The following SLC38A6 variants were observed in gnomAD, a reference collection of about 807,000 sequenced individuals.
The protein encoded by SLC38A6 is solute carrier family 38 member 6.
Under a neutral mutation model 65.0 loss-of-function variants are expected in SLC38A6, and 73 were observed. The ratio of observed to expected loss-of-function variants is 1.12; its 90% CI spans 0.93 to 1.37. The LOEUF is 1.37. Ranked by LOEUF, SLC38A6 falls within the 40% of genes most tolerant of loss-of-function variation. The pLI is 0.00. For synonymous variants in SLC38A6, 183 were observed against 178.8 expected, an observed-to-expected ratio of 1.02 and a Z score of -0.19; for missense variants, 561 against 531.1, an observed-to-expected ratio of 1.06 and a Z score of -0.55.
At chr14:60,999,697 A>G (rs1023186921) in intron 3 of SLC38A6, among the ~76,000 whole-genome samples, 3 of 152,214 alleles carry the variant, frequency 2.0e-5, no homozygotes, top group African/African-American at 7.2e-5. Context: ...AGTCACATGT[A>G]TCATGGAGGG....
At chr14:61,001,239 T>G (rs1416808216) in intron 3 of SLC38A6, among the ~76,000 whole-genome samples, 1 of 152,144 alleles carries the variant, frequency 6.6e-6, no homozygotes, top group East Asian at 1.9e-4. Context: ...ATGCTAAACA[T>G]TCTGCAATAC....
intron 15 of SLC38A6, among the ~76,000 whole-genome samples, chr14:61,075,222 G>A (rs962049328): frequency 2.2e-4 from 33 of 152,202 alleles, no homozygotes; most frequent in Non-Finnish European, 1.5e-5. Flanking sequence ...TAATTTGCCT[G>A]TCTCTGTCTC....
At chr14:60,996,888 C>CG (rs1009991098) in intron 3 of SLC38A6, among the ~76,000 whole-genome samples, 10 of 152,294 alleles carry the variant, frequency 6.6e-5, no homozygotes, top group Non-Finnish European at 1.3e-4. Flanking sequence ...AATTCTATAA[C>CG]TAGCCAAACT....
At chr14:61,046,543 T>C (rs1328328793) in intron 12 of SLC38A6, among the ~76,000 whole-genome samples, 1 of 152,148 alleles carries the variant, frequency 6.6e-6, no homozygotes, top group Non-Finnish European at 1.5e-5. Flanking sequence ...GTCATCTTAA[T>C]TGCAAAAGAA....
At chr14:61,077,329 AAGAAGTAGATACAAAAAC>A (rs2043457238) in intron 15 of SLC38A6, among the ~76,000 whole-genome samples, 1 of 152,188 alleles carries the variant, frequency 6.6e-6, no homozygotes, top group African/African-American at 2.4e-5. Context: ...TATAGGTGGA[AAGAAGTAGATACAAAAAC>A]AGATCTTGAT....
At chr14:61,065,418 A>G (rs1230210803) in intron 15 of SLC38A6, among the ~76,000 whole-genome samples, 1 of 152,248 alleles carries the variant, frequency 6.6e-6, no homozygotes, top group African/African-American at 2.4e-5. Flanking sequence ...ATGTGCCTTC[A>G]GATGGGTTAT....
chr14:61,018,866 A>G (rs1225669848), intron 4 of SLC38A6, among the ~76,000 whole-genome samples: 2 of 152,222 alleles, frequency 1.3e-5, no homozygotes, highest in African/African-American at 4.8e-5. Context: ...ATCTGGCTAC[A>G]TTGGATCCAC....
chr14:61,005,846 C>G (rs1328960728), intron 3 of SLC38A6, among the ~76,000 whole-genome samples: 1 of 152,048 alleles, frequency 6.6e-6, no homozygotes, highest in Admixed American at 6.6e-5. Flanking sequence ...TCATATGGAA[C>G]CAAAAAAGAG....
intron 15 of SLC38A6, among the ~76,000 whole-genome samples, chr14:61,066,682 C>A (rs1215819349): frequency 1.3e-5 from 2 of 152,190 alleles, no homozygotes; most frequent in African/African-American, 4.8e-5. Flanking sequence ...ACATTCAAGT[C>A]CTGCTGCAGA....
intron 5 of SLC38A6, among the ~76,000 whole-genome samples, chr14:61,024,773 A>G (rs2040520771): frequency 6.6e-6 from 1 of 152,190 alleles, no homozygotes; most frequent in Non-Finnish European, 1.5e-5. Flanking sequence ...GTCAAGCCAG[A>G]AAAAGTCTTA....
At chr14:61,055,133 A>G (rs1199718904), downstream of SLC38A6, among the ~76,000 whole-genome samples, 1 of 20,646 alleles carries the variant, frequency 4.8e-5, no homozygotes, top group Non-Finnish European at 1.2e-4. Context: ...TTTTTTTATT[A>G]TACTCTAAGT....
chr14:60,994,362 A>G (rs933130359), intron 3 of SLC38A6, among the ~76,000 whole-genome samples: 1 of 152,134 alleles, frequency 6.6e-6, no homozygotes, highest in African/African-American at 2.4e-5. Context: ...CCTGACCAAC[A>G]TGGGGAAACC....
intron 4 of SLC38A6, among the ~76,000 whole-genome samples, 177 bp downstream of exon 4, chr14:61,016,133 C>G (rs1189951657): frequency 1.3e-5 from 2 of 152,086 alleles, no homozygotes; most frequent in East Asian, 3.9e-4. Context: ...TTGTGTCCTT[C>G]CTAAAAATGC....
At chr14:61,020,927 C>T (rs758661831) in intron 5 of SLC38A6, among the ~76,000 whole-genome samples, 16 of 152,102 alleles carry the variant, frequency 1.1e-4, no homozygotes, top group Non-Finnish European at 2.1e-4. Context: ...GTAGACTGTT[C>T]AGTTCAGCAA....
At chr14:60,997,691 AAG>A (rs1197766173) in intron 3 of SLC38A6, among the ~76,000 whole-genome samples, 1 of 152,232 alleles carries the variant, frequency 6.6e-6, no homozygotes, top group East Asian at 1.9e-4. Context: ...GAATAAAAGA[AAG>A]AAACAGGTTA....
At chr14:61,019,903 C>G (rs2040250684) in intron 5 of SLC38A6, among the ~76,000 whole-genome samples, 5 of 152,042 alleles carry the variant, frequency 3.3e-5, no homozygotes, top group Admixed American at 3.3e-4. Flanking sequence ...AAAATATTTT[C>G]CCTCTACTTT....
Position 61,029,155 on chromosome 14 carries a change from C to CTT in SLC38A6, c.404-1273_404-1272dup, listed in dbSNP as rs111427405. ...GTGCACACAAAGTATACTCTTTATT[C>CTT]TTTTTTTTTTTTTTTTTTGAGGTGG... On this transcript the variant is annotated intron_variant, in intron 5 of 15. Coordinates refer to ENST00000267488, the MANE Select transcript of SLC38A6 (RefSeq NM_153811.3). Among the ~76,000 whole-genome samples the CTT allele has an allele frequency of 4.3e-3, 566 of 130,312 alleles. 3 individuals are homozygous for CTT. The highest frequency in any genetic ancestry group is 7.1e-3 in the Non-Finnish European group (427 of 60,452). The allele number at this position is 130,312 out of a possible 152,430, so 85.5% of individuals were successfully genotyped here. A position where few individuals can be genotyped will look rare whatever the true frequency, so the allele number is the denominator to read the frequency against.
At chr14:61,048,245 C>T in intron 12 of SLC38A6, 1 of 418,100 alleles carries the variant, frequency 2.4e-6, no homozygotes, top group Non-Finnish European at 4.7e-6. Context: ...ATTCATTTTA[C>T]AGATGAACAA....
At chr14:61,076,276 C>T (rs1251355008) in intron 15 of SLC38A6, among the ~76,000 whole-genome samples, 1 of 152,170 alleles carries the variant, frequency 6.6e-6, no homozygotes, top group African/African-American at 2.4e-5. Flanking sequence ...TTTTCTTACC[C>T]AGTTCTCCAA....
Sources: allele counts gnomAD v4.1 joint callset (sites outside exome capture counted in the v4.1 genomes callset), GRCh38; gene constraint gnomAD v4.1.1; transcripts MANE v1.5; gene names NCBI Gene and HGNC (gene_info 2026-07-23, HGNC 2026-07-21).